Variants in PTCHD1 observed in about 807,000 individuals in gnomAD.
The protein encoded by PTCHD1 is patched domain-containing protein 1.
Under a neutral mutation model 34.6 loss-of-function variants are expected in PTCHD1, and 3 were observed. That is an observed-to-expected ratio of 0.09 (90% CI 0.04 to 0.22). The LOEUF is 0.22. Ranked by LOEUF, PTCHD1 falls within the 10% of genes least tolerant of loss-of-function variation. PTCHD1 has a pLI of 1.00. For missense variants in PTCHD1, 504 were observed against 685.5 expected, an observed-to-expected ratio of 0.74 and a Z score of 2.96; for synonymous variants, 305 against 283.1, an observed-to-expected ratio of 1.08 and a Z score of -0.77.
intron 1 of PTCHD1, among the ~76,000 whole-genome samples, chrX:23,335,590 T>C (rs771181704): frequency 1.8e-4 from 20 of 112,648 alleles, no homozygotes; most frequent in Non-Finnish European, 3.2e-4. Flanking sequence ...AGAGAAGACA[T>C]TCTGGAAAGT....
At chrX:23,354,124 T>A (rs1921729912) in intron 1 of PTCHD1, among the ~76,000 whole-genome samples, 1 of 111,139 alleles carries the variant, frequency 9.0e-6, no homozygotes, top group Non-Finnish European at 1.9e-5. Context: ...AGGGGCTAGA[T>A]CAGAGATTCA....
intron 1 of PTCHD1, among the ~76,000 whole-genome samples, chrX:23,354,573 CTT>C (rs1205812443): frequency 4.6e-5 from 4 of 86,621 alleles, no homozygotes; most frequent in Non-Finnish European, 2.3e-5. Context: ...AGGTGAAATT[CTT>C]TTTTTTTTTT....
chrX:23,385,677 C>A (rs1922669974), intron 2 of PTCHD1, among the ~76,000 whole-genome samples: 1 of 111,655 alleles, frequency 9.0e-6, no homozygotes, highest in Admixed American at 9.5e-5. Context: ...CTGCATTTCA[C>A]CAAGGCTACT....
rs1260258268 is a variant in PTCHD1 at position 23,403,025 on chromosome X, T to G, written c.*8840T>G. 1 of 112,585 alleles carries G rather than the reference T, an allele frequency of 8.9e-6. No individual in the cohort carries two copies. Among genetic ancestry groups the G allele is most frequent in the Non-Finnish European group, 1.9e-5 (1 of 53,337 alleles). 9.3% of individuals were successfully genotyped at this position (112,585 alleles called of 1,213,427 possible). A position where few individuals can be genotyped will look rare whatever the true frequency, so the allele number is the denominator to read the frequency against. On this transcript the variant is annotated 3_prime_UTR_variant, in exon 3 of 3. Coordinates refer to ENST00000379361, the MANE Select transcript of PTCHD1 (RefSeq NM_173495.3). Reference sequence around the variant, plus strand: ...ATCCTCACCCTAGACATAAAATAGTTTAAACATTTAAACATGGCCCCTCTC... The same window carrying G: ...ATCCTCACCCTAGACATAAAATAGTGTAAACATTTAAACATGGCCCCTCTC...
intron 1 of PTCHD1, among the ~76,000 whole-genome samples, chrX:23,345,648 G>A (rs779897970): frequency 9.0e-6 from 1 of 111,586 alleles, no homozygotes; most frequent in South Asian, 3.8e-4. Flanking sequence ...TTGCATTTCT[G>A]ACAGGTTCGC....
chrX:23,381,325 G>C (rs1922559317), intron 2 of PTCHD1, among the ~76,000 whole-genome samples: 1 of 112,468 alleles, frequency 8.9e-6, no homozygotes, highest in Non-Finnish European at 1.9e-5. Flanking sequence ...CAGCAAGCCT[G>C]ATGGCAGGGT....
At chrX:23,385,830 CTT>C (rs1922674450) in intron 2 of PTCHD1, among the ~76,000 whole-genome samples, 1 of 111,056 alleles carries the variant, frequency 9.0e-6, no homozygotes. Context: ...TACTATTCAT[CTT>C]GTGTGTATGT....
chrX:23,344,427 CAT>C (rs899077647), intron 1 of PTCHD1, among the ~76,000 whole-genome samples: 2 of 112,466 alleles, frequency 1.8e-5, no homozygotes, highest in Non-Finnish European at 3.8e-5. Flanking sequence ...TATTTCCTCA[CAT>C]GTGCCAGCTC....
chrX:23,392,406 A>G, intron 2 of PTCHD1, 125 bp from the exon 3 acceptor site: 3 of 523,055 alleles, frequency 5.7e-6, no homozygotes, highest in Non-Finnish European at 1.0e-5. Context: ...TGGCATTTAC[A>G]TACCCGTCAC....
At chrX:23,375,632 A>G (rs1922396445) in intron 1 of PTCHD1, among the ~76,000 whole-genome samples, 1 of 111,331 alleles carries the variant, frequency 9.0e-6, no homozygotes, top group Admixed American at 9.5e-5. Flanking sequence ...CTCACTGCTG[A>G]ATTTGTTGGT....
intron 1 of PTCHD1, among the ~76,000 whole-genome samples, chrX:23,335,579 G>A (rs947802205): frequency 8.8e-6 from 1 of 113,029 alleles, no homozygotes; most frequent in Non-Finnish European, 1.9e-5. Flanking sequence ...GGAGCAGAAC[G>A]AGAGAAGACA....
rs1369403019 is a variant in PTCHD1, at chrX:23,394,639, T to G, written c.*454T>G. ...AACAATAAGGCTTCCAGAACTTCTG[T>G]AGAGCAGTAGCTCCAGTCATGGTCT... On this transcript the variant is annotated 3_prime_UTR_variant, in exon 3 of 3. Coordinates refer to ENST00000379361, the MANE Select transcript of PTCHD1 (RefSeq NM_173495.3). 1 of 123,728 alleles carries G rather than the reference T, an allele frequency of 8.1e-6. No individual in the cohort carries two copies. Among genetic ancestry groups the G allele is most frequent in the Non-Finnish European group, 1.7e-5 (1 of 59,580 alleles). 10.2% of individuals were successfully genotyped at this position (123,728 alleles called of 1,213,427 possible).
At chrX:23,377,183 A>G (rs1312791252) in intron 1 of PTCHD1, among the ~76,000 whole-genome samples, 1 of 112,186 alleles carries the variant, frequency 8.9e-6, no homozygotes, top group Non-Finnish European at 1.9e-5. Flanking sequence ...CTCTTGACAT[A>G]TTTAGTAATC....
chrX:23,384,562 C>T (rs1922639333), intron 2 of PTCHD1, among the ~76,000 whole-genome samples: 1 of 112,048 alleles, frequency 8.9e-6, no homozygotes, highest in African/African-American at 3.2e-5. Context: ...CAAGAATTTG[C>T]TCTCATATGA....
rs770016428 is a variant in PTCHD1 at position 23,403,986 on chromosome X, G to C, written c.*9801G>C. ...ACCTACACAGAAACAAAATCAGCAG[G>C]GAAAACCATCCCACTGATGATTGGC... On this transcript the variant is annotated 3_prime_UTR_variant, in exon 3 of 3. Coordinates refer to ENST00000379361, the MANE Select transcript of PTCHD1 (RefSeq NM_173495.3). 1.2e-3 allele frequency: 137 copies of C among 111,857 alleles called. No homozygotes were observed. The highest frequency in any genetic ancestry group is 4.3e-3 in the African/African-American group (134 of 30,818). The allele number at this position is 111,857 out of a possible 1,213,427, so 9.2% of individuals were successfully genotyped here. A position where few individuals can be genotyped will look rare whatever the true frequency, so the allele number is the denominator to read the frequency against.
At chrX:23,346,952 G>A (rs866787396) in intron 1 of PTCHD1, among the ~76,000 whole-genome samples, 15 of 112,058 alleles carry the variant, frequency 1.3e-4, no homozygotes, top group South Asian at 3.7e-4. Context: ...ACCTCTCTGG[G>A]AGGTCTCAAT....
intron 1 of PTCHD1, among the ~76,000 whole-genome samples, chrX:23,355,539 A>C (rs1168472701): frequency 1.8e-5 from 2 of 112,954 alleles, no homozygotes; most frequent in Admixed American, 1.9e-4. Context: ...TTTAACAATT[A>C]TTTTAAGTGG....
chrX:23,336,369 G>T (rs1005407445), intron 1 of PTCHD1, among the ~76,000 whole-genome samples: 3 of 111,384 alleles, frequency 2.7e-5, no homozygotes, highest in Non-Finnish European at 5.7e-5. Context: ...GGGATGGAAG[G>T]TGATCGTTTT....
In PTCHD1 at chrX:23,394,409, G is replaced by GACACACACACACAC. The variant is rs34539351; in HGVS notation, c.*253_*266dup. 9,199 of 198,077 alleles carry GACACACACACACAC rather than the reference G, an allele frequency of 0.046. 320 individuals carry two copies. Among genetic ancestry groups the GACACACACACACAC allele is most frequent in the East Asian group, 0.062 (609 of 9,898 alleles). The allele number at this position is 198,077 out of a possible 1,213,427, so 16.3% of individuals were successfully genotyped here. A position where few individuals can be genotyped will look rare whatever the true frequency, so the allele number is the denominator to read the frequency against. Reference sequence around the variant, plus strand: ...TGTTATGAGAATTCACACACACATAGACACACACACACACACACACACACA... The same window carrying GACACACACACACAC: ...TGTTATGAGAATTCACACACACATAGACACACACACACACACACACACACACACACACACACACA... On this transcript the variant is annotated 3_prime_UTR_variant, in exon 3 of 3. Transcript: ENST00000379361.
Sources: allele counts gnomAD v4.1 joint callset (sites outside exome capture counted in the v4.1 genomes callset), GRCh38; gene constraint gnomAD v4.1.1; transcripts MANE v1.5; gene names NCBI Gene and HGNC (gene_info 2026-07-23, HGNC 2026-07-21).